PREP: variants seen among roughly 807,000 people sequenced by gnomAD.
PREP encodes prolyl endopeptidase.
Under a neutral mutation model 87.6 loss-of-function variants are expected in PREP, and 29 were observed. The ratio of observed to expected loss-of-function variants is 0.33; its 90% CI spans 0.25 to 0.45. The LOEUF (loss-of-function observed/expected upper bound fraction) is 0.45. PREP is among the 20% of genes least tolerant of loss of function. The probability of loss-of-function intolerance (pLI) is 1.00; values close to 1 mark genes in which losing one functional copy is unlikely to be tolerated. For missense variants in PREP, 695 were observed against 886.5 expected (o/e 0.78, Z 2.74); for synonymous variants, 337 against 328.6 (o/e 1.03, Z -0.28).
chr6:105,297,849 T>C (rs1055276482), intron 10 of PREP, among the ~76,000 whole-genome samples: 21 of 152,150 alleles, frequency 1.4e-4, no homozygotes, highest in African/African-American at 5.1e-4. Context: ...CTTAACAGAC[T>C]ACAAGCACCA....
chr6:105,297,022 C>A (rs978013835), intron 10 of PREP, among the ~76,000 whole-genome samples: 1 of 152,218 alleles, frequency 6.6e-6, no homozygotes, highest in African/African-American at 2.4e-5. Flanking sequence ...GGTTCATGAT[C>A]TCATGTGGCA....
intron 12 of PREP, 76 bp from the exon 13 acceptor site, chr6:105,282,658 A>T (rs1253660260): frequency 3.3e-6 from 5 of 1,513,094 alleles, no homozygotes; most frequent in Non-Finnish European, 4.5e-6. Context: ...AATTCAAATG[A>T]TAGAGCACGG....
At position 105,299,696 on chromosome 6, in the gene PREP, A is replaced by G. The variant is rs72944182; in HGVS notation, c.1318-10802T>C. 7.6e-3 allele frequency among the ~76,000 whole-genome samples: 1,152 copies of G among 152,252 alleles called. 4 individuals carry two copies. Among genetic ancestry groups the G allele is most frequent in the Non-Finnish European group, 0.013 (915 of 68,028 alleles). ...TTCAGTGTTTTTTTCCTACTATATCACAAAGTAATTAACTTCAAGTTATTA... is the reference window on the plus strand; with the variant it reads ...TTCAGTGTTTTTTTCCTACTATATCGCAAAGTAATTAACTTCAAGTTATTA... On this transcript the variant is annotated intron_variant, in intron 10 of 14. Coordinates refer to ENST00000652536, the MANE Select transcript of PREP (RefSeq NM_002726.5).
intron 6 of PREP, among the ~76,000 whole-genome samples, chr6:105,362,878 A>ACC (rs530063622): frequency 3.0e-4 from 45 of 151,884 alleles, no homozygotes; most frequent in African/African-American, 1.0e-3. Context: ...GGAGGCAGGG[A>ACC]CCCCCCACCA....
intron 10 of PREP, among the ~76,000 whole-genome samples, chr6:105,299,656 C>T (rs1227512185): frequency 1.3e-5 from 2 of 152,206 alleles, no homozygotes; most frequent in African/African-American, 4.8e-5. Context: ...CTACCAAGGT[C>T]TCCCAAGTCC....
intron 10 of PREP, among the ~76,000 whole-genome samples, chr6:105,312,131 T>C (rs1433169923): frequency 2.0e-5 from 3 of 152,262 alleles, no homozygotes; most frequent in Non-Finnish European, 4.4e-5. Context: ...AATGATTTTT[T>C]ACTTGCAGGC....
intron 10 of PREP, among the ~76,000 whole-genome samples, chr6:105,313,943 TTAAA>T (rs1313120363): frequency 6.6e-6 from 1 of 152,164 alleles, no homozygotes; most frequent in Non-Finnish European, 1.5e-5. Flanking sequence ...ACACTAAGAC[TTAAA>T]TAAAAATCTA....
intron 7 of PREP, among the ~76,000 whole-genome samples, chr6:105,350,031 T>C (rs531406708): frequency 6.6e-6 from 1 of 152,258 alleles, no homozygotes; most frequent in African/African-American, 2.4e-5. Flanking sequence ...AGTCTTCTCT[T>C]TTGTGATTAT....
chr6:105,365,442 G>T (rs368432358), intron 6 of PREP, among the ~76,000 whole-genome samples: 1 of 152,124 alleles, frequency 6.6e-6, no homozygotes, highest in African/African-American at 2.4e-5. Flanking sequence ...CCCACCTCAA[G>T]ATTTTTTTCA....
chr6:105,305,599 G>A lies in PREP; in HGVS notation c.1318-16705C>T, dbSNP rs1043023368. On this transcript the variant is annotated intron_variant, in intron 10 of 14. Transcript: ENST00000652536. ...AATCACAAAGCAGAAATCCTGCTGT[G>A]AAGGTAAAAGAACAAATTCTTTTTG... Among the ~76,000 whole-genome samples the A allele has an allele frequency of 3.9e-5, 6 of 152,284 alleles. No individual in the cohort carries two copies. In the South Asian group the frequency reaches 1.0e-3, roughly 26 times the overall value.
intron 7 of PREP, among the ~76,000 whole-genome samples, chr6:105,343,348 C>T (rs1249228468): frequency 6.6e-6 from 1 of 152,182 alleles, no homozygotes; most frequent in African/African-American, 2.4e-5. Context: ...AACTGGATCC[C>T]TTCCTTATAC....
At chr6:105,323,463 T>C (rs1287902586) in intron 10 of PREP, among the ~76,000 whole-genome samples, 1 of 152,140 alleles carries the variant, frequency 6.6e-6, no homozygotes, top group Non-Finnish European at 1.5e-5. Flanking sequence ...GAGCAGAACC[T>C]GCAGGCTATG....
chr6:105,365,967 C>T (rs915327432), intron 6 of PREP, among the ~76,000 whole-genome samples: 5 of 151,454 alleles, frequency 3.3e-5, no homozygotes, highest in African/African-American at 9.7e-5. Context: ...AAAGTCATTA[C>T]TCTTAGGCTG....
At chr6:105,368,835 T>G (rs544321380) in intron 6 of PREP, 68 bp downstream of exon 6, 1 of 1,566,994 alleles carries the variant, frequency 6.4e-7, no homozygotes, top group African/African-American at 1.4e-5. Context: ...CACCACATAA[T>G]AAGAATATTT....
In PREP at chr6:105,355,353, C is replaced by A. The variant is rs540699081; in HGVS notation, c.718-2276G>T. The stretch of plus-strand genomic sequence containing the variant: ...CCACCCATCTTGGCCTCCCAAAGTG[C>A]CACTGCGCCCAGCCAAGGCTGTAGT... On this transcript the variant is annotated intron_variant, in intron 6 of 14. Transcript: ENST00000652536. 6.0e-4 allele frequency among the ~76,000 whole-genome samples: 92 copies of A among 152,290 alleles called. 1 individual carries two copies. Among genetic ancestry groups the A allele is most frequent in the African/African-American group, 2.1e-3 (89 of 41,562 alleles).
intron 2 of PREP, among the ~76,000 whole-genome samples, chr6:105,397,185 C>CAAAAAAAAAAAAAAAAA: frequency 1.2e-5 from 1 of 86,846 alleles, no homozygotes; most frequent in Non-Finnish European, 2.5e-5. Flanking sequence ...ACTCTGTCTA[C>CAAAAAAAAAAAAAAAAA]AAAAAAAAAA....
intron 2 of PREP, among the ~76,000 whole-genome samples, chr6:105,378,087 T>C (rs951729137): frequency 6.6e-6 from 1 of 152,202 alleles, no homozygotes; most frequent in African/African-American, 2.4e-5. Context: ...ATTTTATCGA[T>C]TTTGGCTTTG....
At chr6:105,392,107 C>T (rs1026275879) in intron 2 of PREP, among the ~76,000 whole-genome samples, 1 of 149,530 alleles carries the variant, frequency 6.7e-6, no homozygotes, top group African/African-American at 2.5e-5. Flanking sequence ...TGCAGTGGCA[C>T]CATCTTGGCT....
intron 2 of PREP, among the ~76,000 whole-genome samples, chr6:105,384,217 A>G (rs537940003): frequency 1.6e-4 from 25 of 152,232 alleles, no homozygotes; most frequent in African/African-American, 6.0e-4. Context: ...GGCTCATCTC[A>G]GGGCTTGCTG....
Sources: allele counts gnomAD v4.1 joint callset (sites outside exome capture counted in the v4.1 genomes callset), GRCh38; gene constraint gnomAD v4.1.1; transcripts MANE v1.5; gene names NCBI Gene and HGNC (gene_info 2026-07-23, HGNC 2026-07-21).